Variants in SUGCT observed in about 807,000 individuals in gnomAD.
The protein encoded by SUGCT is succinyl-CoA:glutarate-CoA transferase.
SUGCT carries 41 observed loss-of-function variants against 55.0 expected under a neutral mutation model. That is an observed-to-expected ratio of 0.74 (90% CI 0.58 to 0.97). SUGCT has a LOEUF of 0.97. SUGCT is among the 50% of genes least tolerant of loss of function. The pLI is 0.00. For missense variants in SUGCT, 568 were observed against 547.8 expected (o/e 1.04, Z -0.37); for synonymous variants, 187 against 200.4 (o/e 0.93, Z 0.56).
intron 12 of SUGCT, among the ~76,000 whole-genome samples, chr7:40,697,900 G>A (rs1010488799): frequency 2.0e-5 from 3 of 152,212 alleles, no homozygotes; most frequent in African/African-American, 4.8e-5. Context: ...GCCACGTGCA[G>A]GACCTTTGAG....
At chr7:40,991,923 CT>C in the SUGCT span, among the ~76,000 whole-genome samples, 2 of 152,038 alleles carry the variant, frequency 1.3e-5, no homozygotes, top group African/African-American at 4.8e-5. Context: ...AACATCTGAA[CT>C]GCCAGAGAAT....
At chr7:40,626,658 AT>A (rs113362445) in intron 12 of SUGCT, among the ~76,000 whole-genome samples, 2 of 152,248 alleles carry the variant, frequency 1.3e-5, no homozygotes, top group African/African-American at 4.8e-5. Context: ...CTAAGTAAAC[AT>A]TTTTACAGAC....
At chr7:40,265,959 C>CCA (rs56844215) in intron 7 of SUGCT, among the ~76,000 whole-genome samples, 56,555 of 149,866 alleles carry the variant, frequency 0.38, 10,538 homozygotes, top group East Asian at 0.46. Context: ...TCAAAAAAAA[C>CCA]CACACACACA....
At chr7:40,853,735 G>T (rs1217450473) in intron 13 of SUGCT, among the ~76,000 whole-genome samples, 1 of 152,146 alleles carries the variant, frequency 6.6e-6, no homozygotes, top group Non-Finnish European at 1.5e-5. Context: ...ACCCTTTAAA[G>T]AGCCTCAGTT....
At chr7:40,189,202 C>T (rs953675197) in intron 4 of SUGCT, among the ~76,000 whole-genome samples, 20 of 151,954 alleles carry the variant, frequency 1.3e-4, no homozygotes, top group African/African-American at 2.4e-5. Flanking sequence ...ATTAGCTGGG[C>T]GTGGTGGCGT....
chr7:40,221,494 CT>C (rs1452847552), intron 6 of SUGCT, among the ~76,000 whole-genome samples: 4,727 of 130,452 alleles, frequency 0.036, 63 homozygotes, highest in Non-Finnish European at 0.056. Context: ...TGTTATTGGT[CT>C]TTTTTTTTTT....
At chr7:40,191,178 G>A (rs951207510) in intron 5 of SUGCT, among the ~76,000 whole-genome samples, 2 of 151,974 alleles carry the variant, frequency 1.3e-5, no homozygotes, top group African/African-American at 4.8e-5. Context: ...CACCATGCCC[G>A]GCTAATTTTT....
At chr7:40,396,393 C>T (rs1785733283) in intron 9 of SUGCT, among the ~76,000 whole-genome samples, 1 of 152,098 alleles carries the variant, frequency 6.6e-6, no homozygotes, top group African/African-American at 2.4e-5. Context: ...GTAGAATAAG[C>T]CGTGCTTCTG....
At chr7:40,821,225 CT>C (rs997722159) in intron 13 of SUGCT, among the ~76,000 whole-genome samples, 2 of 151,896 alleles carry the variant, frequency 1.3e-5, no homozygotes, top group Non-Finnish European at 2.9e-5. Flanking sequence ...CTAAAATTAT[CT>C]TTTTTTTGTT....
chr7:40,388,354 G>C (rs1427260726), intron 9 of SUGCT, among the ~76,000 whole-genome samples: 1 of 152,036 alleles, frequency 6.6e-6, no homozygotes, highest in Non-Finnish European at 1.5e-5. Context: ...AGGAAATTTT[G>C]ACTTCCTCAC....
At chr7:40,400,955 T>C (rs1786030928) in intron 9 of SUGCT, among the ~76,000 whole-genome samples, 1 of 152,192 alleles carries the variant, frequency 6.6e-6, no homozygotes, top group African/African-American at 2.4e-5. Flanking sequence ...ATCCGTATAA[T>C]CATCAGGAAG....
intron 5 of SUGCT, among the ~76,000 whole-genome samples, 176 bp from the exon 6 acceptor site, chr7:40,194,764 C>T (rs937566481): frequency 6.6e-6 from 1 of 152,162 alleles, no homozygotes; most frequent in Admixed American, 6.5e-5. Flanking sequence ...CATTATTTTA[C>T]TGACAGTAAT....
chr7:40,297,650 CA>C (rs1364268152), intron 8 of SUGCT, among the ~76,000 whole-genome samples: 1 of 152,136 alleles, frequency 6.6e-6, no homozygotes, highest in Non-Finnish European at 1.5e-5. Flanking sequence ...TACACTGAAA[CA>C]AAGCTCAACA....
intron 9 of SUGCT, among the ~76,000 whole-genome samples, chr7:40,445,594 C>T (rs1223480230): frequency 6.6e-6 from 1 of 152,124 alleles, no homozygotes; most frequent in Non-Finnish European, 1.5e-5. Context: ...ACCATTCCTT[C>T]TGAAAGTATT....
chr7:40,889,189 G>A, the SUGCT span, among the ~76,000 whole-genome samples: 1 of 152,162 alleles, frequency 6.6e-6, no homozygotes, highest in East Asian at 1.9e-4. Context: ...TAAAAGCGTG[G>A]ACCCTGGTGG....
intron 8 of SUGCT, among the ~76,000 whole-genome samples, chr7:40,305,038 C>A (rs1227109341): frequency 6.6e-6 from 1 of 152,102 alleles, no homozygotes; most frequent in Admixed American, 6.6e-5. Context: ...CCTGAAGATT[C>A]CCTCATTGTT....
chr7:40,172,990 C>T (rs942360876), intron 1 of SUGCT, among the ~76,000 whole-genome samples: 2 of 152,204 alleles, frequency 1.3e-5, no homozygotes, highest in Admixed American at 6.5e-5. Context: ...AATCCCCAGA[C>T]GAGGCCACCA....
intron 12 of SUGCT, among the ~76,000 whole-genome samples, chr7:40,652,320 G>A (rs748522496): frequency 6.6e-6 from 1 of 152,132 alleles, no homozygotes; most frequent in Non-Finnish European, 1.5e-5. Context: ...ATAAATTATA[G>A]TGCACCTCTA....
chr7:40,732,008 C>A (rs1224715006), intron 12 of SUGCT, among the ~76,000 whole-genome samples: 1 of 152,078 alleles, frequency 6.6e-6, no homozygotes, highest in Non-Finnish European at 1.5e-5. Context: ...GAGGATATAT[C>A]TTGGGAGCTA....
Sources: allele counts gnomAD v4.1 joint callset (sites outside exome capture counted in the v4.1 genomes callset), GRCh38; gene constraint gnomAD v4.1.1; transcripts MANE v1.5; gene names NCBI Gene and HGNC (gene_info 2026-07-23, HGNC 2026-07-21).